APP: variants seen among roughly 807,000 people sequenced by gnomAD.
APP encodes amyloid beta precursor protein.
In APP, 31 loss-of-function variants were observed where a neutral mutation model predicts 101.4. The observed-to-expected ratio is 0.31, with a 90% CI of 0.23 to 0.41. The LOEUF is 0.41. Among genes scored for constraint, APP ranks in the 10% least tolerant of loss-of-function variants. The pLI is 1.00. For synonymous variants in APP, 366 were observed against 364.4 expected (o/e 1.00, Z -0.05); for missense variants, 839 against 1,003.7 (o/e 0.84, Z 2.22).
At chr21:25,986,561 G>A (rs1473327010) in intron 8 of APP, among the ~76,000 whole-genome samples, 1 of 152,170 alleles carries the variant, frequency 6.6e-6, no homozygotes, top group Non-Finnish European at 1.5e-5. Context: ...TTAGCAGGGT[G>A]TGGTGGCGCA....
At chr21:25,943,894 T>C (rs1377066802) in intron 13 of APP, among the ~76,000 whole-genome samples, 3 of 152,216 alleles carry the variant, frequency 2.0e-5, no homozygotes, top group Non-Finnish European at 4.4e-5. Context: ...TTAAAAATCA[T>C]AAGCTTTAAC....
intron 11 of APP, among the ~76,000 whole-genome samples, chr21:25,956,303 T>C (rs1430213470): frequency 6.6e-6 from 1 of 152,270 alleles, no homozygotes; most frequent in Non-Finnish European, 1.5e-5. Context: ...ATTGCTAAAC[T>C]GTATTTATTT....
intron 5 of APP, among the ~76,000 whole-genome samples, chr21:26,039,955 T>C (rs1272935421): frequency 3.3e-5 from 5 of 152,208 alleles, no homozygotes; most frequent in Non-Finnish European, 7.3e-5. Context: ...GTAATCCTTA[T>C]CCAAACTGCC....
intron 11 of APP, among the ~76,000 whole-genome samples, chr21:25,966,966 G>T (rs436587): frequency 0.61 from 92,685 of 152,036 alleles, 28,810 homozygotes; most frequent in African/African-American, 0.73. Context: ...CTCCAATGAC[G>T]GCTGTTTCTT....
At chr21:26,077,387 G>T (rs2061517725) in intron 3 of APP, among the ~76,000 whole-genome samples, 1 of 152,056 alleles carries the variant, frequency 6.6e-6, no homozygotes, top group Non-Finnish European at 1.5e-5. Flanking sequence ...CATCTGTATT[G>T]TGAGTCTGCC....
At chr21:25,998,165 T>C (rs2043128652) in intron 7 of APP, among the ~76,000 whole-genome samples, 1 of 151,946 alleles carries the variant, frequency 6.6e-6, no homozygotes, top group Non-Finnish European at 1.5e-5. Context: ...TTTCAGAAAA[T>C]GAATCCACCC....
chr21:26,088,141 G>T (rs2061740959), intron 3 of APP, among the ~76,000 whole-genome samples: 1 of 152,092 alleles, frequency 6.6e-6, no homozygotes. Context: ...CCAGTGGAAG[G>T]AGAGCTTTTC....
intron 13 of APP, among the ~76,000 whole-genome samples, chr21:25,938,617 CTG>C (rs140031220): frequency 0.05 from 7,628 of 152,162 alleles, 636 homozygotes; most frequent in African/African-American, 0.17. Context: ...GCCCAAGAAT[CTG>C]TATTTTTAAC....
At chr21:25,980,352 G>T (rs1243821691) in intron 9 of APP, among the ~76,000 whole-genome samples, 1 of 151,820 alleles carries the variant, frequency 6.6e-6, no homozygotes, top group Non-Finnish European at 1.5e-5. Context: ...ATAAAGAAGG[G>T]AGATAGGATG....
chr21:26,034,416 G>A (rs564603934), intron 5 of APP, among the ~76,000 whole-genome samples: 4 of 152,092 alleles, frequency 2.6e-5, no homozygotes, highest in East Asian at 1.9e-4. Flanking sequence ...AGGCTGAGGC[G>A]GGCGGATCTT....
chr21:25,920,435 G>A (rs1242066021), intron 13 of APP, among the ~76,000 whole-genome samples: 1 of 152,126 alleles, frequency 6.6e-6, no homozygotes, highest in African/African-American at 2.4e-5. Context: ...AGACTGGCAA[G>A]TTGGATAAAG....
chr21:26,169,068 C>G (rs976401674), intron 1 of APP: 2 of 152,134 alleles, frequency 1.3e-5, no homozygotes, highest in Admixed American at 6.5e-5. Context: ...GGAACCCAAC[C>G]GAAGTCCGAA....
chr21:25,908,898 T>C (rs573732115), intron 14 of APP, among the ~76,000 whole-genome samples: 1 of 152,304 alleles, frequency 6.6e-6, no homozygotes, highest in South Asian at 2.1e-4. Context: ...CTCGGGTCTG[T>C]ATCATTCAGG....
chr21:26,159,777 C>T (rs945804850), intron 1 of APP, among the ~76,000 whole-genome samples: 4 of 152,206 alleles, frequency 2.6e-5, no homozygotes, highest in South Asian at 2.1e-4. Context: ...AAAACACATG[C>T]GCATAAGAAA....
chr21:25,923,422 C>T (rs924895911), intron 13 of APP, among the ~76,000 whole-genome samples: 1 of 140,478 alleles, frequency 7.1e-6, no homozygotes, highest in African/African-American at 2.8e-5. Context: ...GCAAAAGAAA[C>T]TACCATCAGA....
intron 16 of APP, among the ~76,000 whole-genome samples, chr21:25,892,397 CTT>C (rs1305381945): frequency 6.6e-6 from 1 of 152,112 alleles, no homozygotes; most frequent in Non-Finnish European, 1.5e-5. Context: ...TGGAGGGACA[CTT>C]TTAATGCACA....
intron 1 of APP, among the ~76,000 whole-genome samples, chr21:26,139,226 C>G (rs2062988637): frequency 6.6e-6 from 1 of 152,118 alleles, no homozygotes; most frequent in Admixed American, 6.6e-5. Context: ...GAGAAAAGGA[C>G]AGAAGAGTCA....
At chr21:26,062,423 G>A (rs964459175) in intron 3 of APP, among the ~76,000 whole-genome samples, 10 of 152,030 alleles carry the variant, frequency 6.6e-5, no homozygotes, top group African/African-American at 2.4e-4. Flanking sequence ...AGCAATTTGG[G>A]AGGCCGAGGC....
chr21:26,095,973 A>T (rs2061932649), intron 2 of APP, among the ~76,000 whole-genome samples: 1 of 152,230 alleles, frequency 6.6e-6, no homozygotes, highest in Non-Finnish European at 1.5e-5. Context: ...CTTAAAGCAG[A>T]AGCAAACCCA....
Sources: allele counts gnomAD v4.1 joint callset (sites outside exome capture counted in the v4.1 genomes callset), GRCh38; gene constraint gnomAD v4.1.1; transcripts MANE v1.5; gene names NCBI Gene and HGNC (gene_info 2026-07-23, HGNC 2026-07-21).